ESF1: variants seen among roughly 807,000 people sequenced by gnomAD.
ESF1 encodes the protein ESF1 nucleolar pre-rRNA processing protein, also known as ESF1 homolog.
In ESF1, 58 loss-of-function variants were observed where a neutral mutation model predicts 92.0. The observed-to-expected ratio is 0.63, with a 90% CI of 0.51 to 0.78. The LOEUF (loss-of-function observed/expected upper bound fraction) is 0.78. Ranked by LOEUF, ESF1 falls within the 30% of genes least tolerant of loss-of-function variation. The probability of loss-of-function intolerance (pLI) is 0.00; values close to 1 mark genes in which losing one functional copy is unlikely to be tolerated. For missense variants in ESF1, 922 were observed against 989.1 expected, an observed-to-expected ratio of 0.93 and a Z score of 0.91; for synonymous variants, 321 against 313.7, an observed-to-expected ratio of 1.02 and a Z score of -0.24.
At chr20:13,728,509 A>T in intron 10 of ESF1, 44 bp from the exon 11 acceptor site, 3 of 1,329,228 alleles carry the variant, frequency 2.3e-6, no homozygotes, top group Non-Finnish European at 3.2e-6. Context: ...TTATTACAAG[A>T]ATTATAATAA....
rs778267712 is a variant in ESF1, at chr20:13,718,907, C to CGATTTTACGATTTACGAAAGGTAA, written c.2115_2115+1insTTACCTTTCGTAAATCGTAAAATC (p.Lys705_Ala706insLeuProPheValAsnArgLysIle). The CGATTTTACGATTTACGAAAGGTAA allele has an allele frequency of 6.3e-7, 1 of 1,597,846 alleles. No individual in the cohort carries two copies. Among genetic ancestry groups the CGATTTTACGATTTACGAAAGGTAA allele is most frequent in the South Asian group, 1.1e-5 (1 of 88,788 alleles). On this transcript the variant is annotated inframe_insertion and splice_region_variant. Transcript: ENST00000617257. Reference sequence around the variant, plus strand: ...AGCATGTAACAATAATCGTATTTTACCTTTTGTCTTTCTATTTCAATTTCT... The same window carrying CGATTTTACGATTTACGAAAGGTAA: ...AGCATGTAACAATAATCGTATTTTACGATTTTACGATTTACGAAAGGTAACTTTTGTCTTTCTATTTCAATTTCT...
chr20:13,770,541 T>A (rs947574549), intron 6 of ESF1, among the ~76,000 whole-genome samples: 2 of 152,186 alleles, frequency 1.3e-5, no homozygotes, highest in African/African-American at 4.8e-5. Flanking sequence ...AGAGACAGGG[T>A]CTCACTATGT....
At chr20:13,740,540 T>A (rs1232561518) in intron 9 of ESF1, among the ~76,000 whole-genome samples, 2 of 152,168 alleles carry the variant, frequency 1.3e-5, no homozygotes, top group East Asian at 1.9e-4. Flanking sequence ...GTACTACACA[T>A]ATTAAACAGG....
At chr20:13,757,546 G>A (rs917595311) in intron 9 of ESF1, among the ~76,000 whole-genome samples, 1 of 152,132 alleles carries the variant, frequency 6.6e-6, no homozygotes, top group African/African-American at 2.4e-5. Flanking sequence ...CTACAGGCGT[G>A]TGCCACCATG....
At chr20:13,765,148 A>G (rs999333321) in intron 8 of ESF1, among the ~76,000 whole-genome samples, 3 of 152,046 alleles carry the variant, frequency 2.0e-5, no homozygotes, top group Non-Finnish European at 2.9e-5. Context: ...GTTTGAACCC[A>G]GGAGGAAGAG....
At chr20:13,760,072 C>T (rs929367610) in intron 8 of ESF1, among the ~76,000 whole-genome samples, 2 of 152,250 alleles carry the variant, frequency 1.3e-5, no homozygotes, top group African/African-American at 2.4e-5. Flanking sequence ...CTTGGGAATG[C>T]CCCTTTTTAT....
Position 13,775,727 on chromosome 20 carries a change from T to C in ESF1, c.1035+146A>G, listed in dbSNP as rs527799427. On this transcript the variant is annotated intron_variant, in intron 3 of 13. Coordinates refer to ENST00000617257, the MANE Select transcript of ESF1 (RefSeq NM_001276380.2). ...CTTGGACGTCTTCTAGTTCATATAA[T>C]TATATTCCATATCAAATTTTAATCA... is the stretch of plus-strand genomic sequence containing the variant. 1.2e-5 allele frequency: 11 copies of C among 932,432 alleles called. No individual in the cohort carries two copies. The East Asian group carries it at 2.2e-4, about 19-fold the overall frequency. 57.8% of individuals were successfully genotyped at this position (932,432 alleles called of 1,614,324 possible). A position where few individuals can be genotyped will look rare whatever the true frequency, so the allele number is the denominator to read the frequency against.
chr20:13,774,022 G>A (rs1446168717), intron 4 of ESF1, among the ~76,000 whole-genome samples: 1 of 151,832 alleles, frequency 6.6e-6, no homozygotes, highest in Non-Finnish European at 1.5e-5. Flanking sequence ...GTGAACCCGG[G>A]AGGCGGAGCT....
chr20:13,748,493 T>C (rs543323442), intron 9 of ESF1, among the ~76,000 whole-genome samples: 8 of 142,644 alleles, frequency 5.6e-5, no homozygotes, highest in African/African-American at 2.1e-4. Context: ...TACACATATA[T>C]ATACATATAT....
At chr20:13,733,621 G>C (rs986261104) in intron 10 of ESF1, 100 bp downstream of exon 10, 2 of 1,263,086 alleles carry the variant, frequency 1.6e-6, no homozygotes, top group East Asian at 4.8e-5. Flanking sequence ...GCCTACTTCA[G>C]TGAGTGGTTA....
In ESF1 at chr20:13,782,605, G is replaced by C; in HGVS notation, c.536C>G (p.Ser179Cys). Residue 179 changes from serine to cysteine, a missense_variant, in exon 2 of 14, where the codon TCT becomes TGT. Physicochemically the swap from Ser to Cys is moderately radical, Grantham distance 112. Coordinates refer to ENST00000617257, the MANE Select transcript of ESF1 (RefSeq NM_001276380.2). The part of the protein sequence containing the change: ...KKNIVQHTTD[S>C]SLEEKQRTLD... ...TGTCCTTTGTTTTTCTTCGAGAGAA[G>C]AGTCTGTAGTATGTTGAACAATGTT... 2 of 1,598,614 alleles carry C rather than the reference G, an allele frequency of 1.3e-6. No homozygotes were observed. The highest frequency in any genetic ancestry group is 1.2e-5 in the South Asian group (1 of 85,808).
At chr20:13,784,107 A>G (rs145757001) in intron 1 of ESF1, among the ~76,000 whole-genome samples, 354 of 152,332 alleles carry the variant, frequency 2.3e-3, no homozygotes, top group Non-Finnish European at 3.5e-3. Context: ...ACTTCTTTCT[A>G]TAATATCTGA....
chr20:13,781,300 A>G (rs1980176130), intron 2 of ESF1, among the ~76,000 whole-genome samples: 1 of 152,244 alleles, frequency 6.6e-6, no homozygotes, highest in African/African-American at 2.4e-5. Context: ...ATGAGTAGAA[A>G]ATGGGATGTA....
chr20:13,748,727 C>T (rs1011091297), intron 9 of ESF1, among the ~76,000 whole-genome samples: 5 of 150,252 alleles, frequency 3.3e-5, no homozygotes, highest in Admixed American at 1.3e-4. Flanking sequence ...GCTGGGACTA[C>T]AGGCACCCGC....
intron 8 of ESF1, among the ~76,000 whole-genome samples, chr20:13,762,422 TA>T (rs1979240489): frequency 1.3e-5 from 2 of 152,342 alleles, no homozygotes; most frequent in Admixed American, 1.3e-4. Flanking sequence ...TTCTTTCTAT[TA>T]AAAGCTTACT....
chr20:13,728,544 T>G (rs982047274), intron 10 of ESF1, 79 bp from the exon 11 acceptor site: 4 of 1,154,712 alleles, frequency 3.5e-6, no homozygotes, highest in Admixed American at 2.3e-5. Context: ...AAACTATGCA[T>G]TTCTTTTAAA....
chr20:13,717,248 C>T, intron 13 of ESF1, 120 bp downstream of exon 13: 1 of 1,228,656 alleles, frequency 8.1e-7, no homozygotes, highest in Non-Finnish European at 1.1e-6. Flanking sequence ...GCGTGAGCCA[C>T]TGCACCGGGC....
At chr20:13,733,588 C>G in intron 10 of ESF1, 133 bp downstream of exon 10, 1 of 947,564 alleles carries the variant, frequency 1.1e-6, no homozygotes, top group East Asian at 2.7e-5. Flanking sequence ...TTTCCTCTTT[C>G]TTAAAATTGG....
chr20:13,759,553 A>T, intron 9 of ESF1, 139 bp downstream of exon 9: 1 of 1,119,312 alleles, frequency 8.9e-7, no homozygotes, highest in Non-Finnish European at 1.2e-6. Context: ...CTAAAATGCT[A>T]GTCATTAAGT....
Sources: gnomAD v4.1 joint callset for allele counts (sites outside exome capture counted in the v4.1 genomes callset) on GRCh38, gnomAD v4.1.1 for gene constraint, MANE v1.5 for transcripts, NCBI Gene and HGNC (gene_info 2026-07-23, HGNC 2026-07-21) for gene names.